C3: variants seen among roughly 807,000 people sequenced by gnomAD.
C3 encodes the protein C3 and PZP-like alpha-2-macroglobulin domain-containing protein 1.
In C3, 97 loss-of-function variants were observed where a neutral mutation model predicts 207.9. The observed-to-expected ratio is 0.47, with a 90% CI of 0.40 to 0.55. The LOEUF is 0.55. C3 is among the 20% of genes least tolerant of loss of function. C3 has a pLI of 0.00. For missense variants in C3, 1,684 were observed against 2,171.7 expected (o/e 0.78, Z 4.46); for synonymous variants, 848 against 857.6 (o/e 0.99, Z 0.20).
intron 14 of C3, 73 bp downstream of exon 14, chr19:6,709,611 T>TGCCCCCCCCCCCCC: frequency 8.1e-6 from 9 of 1,109,412 alleles, no homozygotes; most frequent in East Asian, 2.6e-5. Context: ...CCCTCTCCAG[T>TGCCCCCCCCCCCCC]CCCACCCACC....
chr19:6,707,600 C>A (rs771172451), intron 15 of C3, 63 bp from the exon 16 acceptor site: 1 of 1,584,922 alleles, frequency 6.3e-7, no homozygotes, highest in Non-Finnish European at 8.7e-7. Flanking sequence ...CTCGGTTCAC[C>A]CCTCACGATC....
intron 13 of C3, 106 bp downstream of exon 13, chr19:6,710,533 G>A (rs1275627290): frequency 1.2e-6 from 1 of 850,314 alleles, no homozygotes; most frequent in Non-Finnish European, 1.9e-6. Flanking sequence ...AGAAAGGAGA[G>A]AGAAAAGGAG....
chr19:6,718,170 G>C lies in C3; in HGVS notation c.434-6C>G. On this transcript the variant is annotated splice_region_variant and splice_polypyrimidine_tract_variant and intron_variant, in intron 3 of 40. Coordinates refer to ENST00000245907, the MANE Select transcript of C3 (RefSeq NM_000064.4). ...GGTGAAGATCCGATAGAGAACTGGG[G>C]AGAGACAAAGAGGCCTCGTGAGACC... 2.5e-6 allele frequency: 4 copies of C among 1,614,182 alleles called. No homozygotes were observed. The highest frequency in any genetic ancestry group is 3.4e-6 in the Non-Finnish European group (4 of 1,180,034).
At chr19:6,710,548 GGAGAGAGAGAGAGAGAGGAGACAGGGAGA>G in intron 13 of C3, 62 bp downstream of exon 13, 4 of 973,896 alleles carry the variant, frequency 4.1e-6, no homozygotes, top group Non-Finnish European at 4.7e-6. Context: ...AAGGAGAAAG[GGAGAGAGAGAGAGAGAGGAGACAGGGAGA>G]GAGAGAGAGA....
rs1968111924 is a variant in C3, at chr19:6,719,127, G to T, written c.267+84C>A. The T allele has an allele frequency of 8.3e-7, 1 of 1,203,074 alleles. No homozygotes were observed. Among genetic ancestry groups the T allele is most frequent in the Non-Finnish European group, 1.2e-6 (1 of 815,106 alleles). 74.5% of individuals were successfully genotyped at this position (1,203,074 alleles called of 1,614,324 possible). A position where few individuals can be genotyped will look rare whatever the true frequency, so the allele number is the denominator to read the frequency against. ...AAGGGCAGGGCTTAGAAAGGGAGAA[G>T]ACAGAAGGGGAGGGGCTCAGGAGGA... On this transcript the variant is annotated intron_variant, in intron 2 of 40. Coordinates refer to ENST00000245907, the MANE Select transcript of C3 (RefSeq NM_000064.4). The surrounding 1 kb of genome is among the most constrained non-coding windows in gnomAD (Gnocchi z 5.4).
intron 17 of C3, among the ~76,000 whole-genome samples, chr19:6,703,558 G>C (rs906346286): frequency 6.6e-6 from 1 of 152,064 alleles, no homozygotes; most frequent in Admixed American, 6.6e-5. Context: ...AGTGAGCCAA[G>C]ATTATGCCAC....
At position 6,718,118 on chromosome 19, in the gene C3, G is replaced by A. The variant is rs1968081260; in HGVS notation, c.480C>T (p.Gly160=). ...FTVNHKLLPV[G]RTVMVNIENP... The stretch of plus-strand genomic sequence containing the variant: ...CCTCAATGTTGACCATGACCGTCCG[G>A]CCCACGGGTAGCAGCTTGTGGTTGA... Residue 160 remains glycine (G), a synonymous_variant, in exon 4 of 41, where the codon GGC becomes GGT. Transcript: ENST00000245907. 7 of 1,614,126 alleles carry A rather than the reference G, an allele frequency of 4.3e-6. No homozygotes were observed. Among genetic ancestry groups the A allele is most frequent in the Non-Finnish European group, 5.9e-6 (7 of 1,180,012 alleles).
Position 6,713,313 on chromosome 19 carries a change from A to G in C3, c.879T>C (p.Ile293=). ...GCACAACCTCCCCCGAGCCATCCTC[A>G]ATCTGAGAAGGGAGAGGAGGGCTCA... ...SLPESLKRIP[I]EDGSGEVVLS... The change falls in exon 9 of 41, where the codon ATT becomes ATC. Residue 293 remains isoleucine, a splice_region_variant and synonymous_variant. Transcript: ENST00000245907. 6.2e-7 allele frequency: 1 copy of G among 1,613,754 alleles called. No individual in the cohort carries two copies. The highest frequency in any genetic ancestry group is 8.5e-7 in the Non-Finnish European group (1 of 1,179,974).
At chr19:6,700,947 A>G (rs922106175) in intron 19 of C3, among the ~76,000 whole-genome samples, 5 of 151,584 alleles carry the variant, frequency 3.3e-5, no homozygotes, top group Non-Finnish European at 7.4e-5. Flanking sequence ...AAGAAAGAAA[A>G]GCATCAATTT....
intron 27 of C3, among the ~76,000 whole-genome samples, chr19:6,689,928 G>A (rs1009225396): frequency 1.3e-5 from 2 of 152,204 alleles, no homozygotes; most frequent in Non-Finnish European, 2.9e-5. Context: ...GGTGCAGTGA[G>A]CTGAGATCAT....
At chr19:6,717,791 TG>T in intron 4 of C3, 1 of 539,578 alleles carries the variant, frequency 1.9e-6, no homozygotes, top group Non-Finnish European at 3.4e-6. Context: ...TGTTGTGTGT[TG>T]TGTTGTGTGT....
At chr19:6,683,686 C>T (rs984859899) in intron 33 of C3, among the ~76,000 whole-genome samples, 2 of 152,252 alleles carry the variant, frequency 1.3e-5, no homozygotes, top group East Asian at 1.9e-4. Context: ...CTCCTGACCT[C>T]GTGATCTGCC....
chr19:6,680,158 C>T lies in C3; in HGVS notation c.4456G>A (p.Glu1486Lys). ...AVKVYAYYNL[E>K]ESCTRFYHPE... The stretch of plus-strand genomic sequence containing the variant: ...CCCAGGCCCTAGGTTGGCTGCTCAC[C>T]CAGGTTGTAATAGGCGTAGACCTTG... The change falls in exon 36 of 41, where the codon GAG becomes AAG. Residue 1486 changes from glutamate to lysine, a missense_variant and splice_region_variant. Glu to Lys is a moderately conservative substitution (Grantham distance 56, BLOSUM62 1). This residue lies in a region of C3 where 346 missense variants were observed against 380.1 expected (regional missense o/e 0.91). Transcript: ENST00000245907. The T allele has an allele frequency of 6.3e-7, 1 of 1,594,376 alleles. No homozygotes were observed. Among genetic ancestry groups the T allele is most frequent in the Non-Finnish European group, 8.6e-7 (1 of 1,162,206 alleles).
At chr19:6,708,687 TTC>T in intron 14 of C3, among the ~76,000 whole-genome samples, 1 of 117,198 alleles carries the variant, frequency 8.5e-6, no homozygotes, top group East Asian at 2.5e-4. Flanking sequence ...TTTCTTTCCA[TTC>T]TTTTTTTTTT....
At chr19:6,704,847 G>A (rs1435368019) in intron 17 of C3, among the ~76,000 whole-genome samples, 10 of 151,402 alleles carry the variant, frequency 6.6e-5, no homozygotes, top group African/African-American at 1.9e-4. Context: ...GCGGTGAGCC[G>A]AGGTTGTGCC....
rs575096466 is a variant in C3 at position 6,713,150 on chromosome 19, C to T, written c.1003+39G>A. 3.1e-6 allele frequency: 5 copies of T among 1,612,936 alleles called. No homozygotes were observed. In the African/African-American group the frequency reaches 5.3e-5, roughly 17 times the overall value. ...TGGTCTCCCCTCTCAGACCGGCCCA[C>T]TTGGTGGTCCTGAGCCTGGCCTTCA... On this transcript the variant is annotated intron_variant, in intron 9 of 40. Coordinates refer to ENST00000245907, the MANE Select transcript of C3 (RefSeq NM_000064.4).
At chr19:6,691,675 C>T (rs77600765) in intron 26 of C3, among the ~76,000 whole-genome samples, 10,871 of 152,122 alleles carry the variant, frequency 0.071, 1,191 homozygotes, top group African/African-American at 0.24. Context: ...TGGAGGAATG[C>T]GGGCACTTTT....
In C3 at chr19:6,690,502, C is replaced by T. The variant is rs1441977110; in HGVS notation, c.3489+127G>A. ...CAAAAGATGTTAGCTATTAACATGA[C>T]TGCAGTGATGTCTGTTATTGCACTG... On this transcript the variant is annotated intron_variant, in intron 27 of 40. Coordinates refer to ENST00000245907, the MANE Select transcript of C3 (RefSeq NM_000064.4). 6.6e-6 allele frequency: 5 copies of T among 762,932 alleles called. 1 individual carries two copies. Among genetic ancestry groups the T allele is most frequent in the South Asian group, 2.8e-5 (2 of 70,618 alleles). 47.3% of individuals were successfully genotyped at this position (762,932 alleles called of 1,614,324 possible).
chr19:6,688,578 G>C (rs1918073033), intron 27 of C3, among the ~76,000 whole-genome samples: 1 of 151,114 alleles, frequency 6.6e-6, no homozygotes, highest in South Asian at 2.1e-4. Context: ...GGAGTGCAGT[G>C]GCGCAATCTC....
Sources: gnomAD v4.1 joint callset for allele counts (sites outside exome capture counted in the v4.1 genomes callset) on GRCh38, gnomAD v4.1.1 for gene constraint, gnomAD v4.1.1 regional missense constraint, Gnocchi (gnomAD v3.1) non-coding constraint, MANE v1.5 for transcripts, NCBI Gene and HGNC (gene_info 2026-07-23, HGNC 2026-07-21) for gene names.